POLR3A: variants seen among roughly 807,000 people sequenced by gnomAD.
POLR3A encodes the protein DNA-directed RNA polymerase III subunit RPC1.
A neutral mutation model predicts 152.8 loss-of-function variants in POLR3A; 112 were observed. The ratio of observed to expected loss-of-function variants is 0.73; its 90% CI spans 0.63 to 0.86. The LOEUF (loss-of-function observed/expected upper bound fraction) is 0.86, where lower values mean the gene tolerates loss of function less well. Ranked by LOEUF, POLR3A falls within the 40% of genes least tolerant of loss-of-function variation. The pLI is 0.00. For synonymous variants in POLR3A, 615 were observed against 652.1 expected (o/e 0.94, Z 0.87); for missense variants, 1,385 against 1,743.1 (o/e 0.79, Z 3.66).
chr10:78,023,528 C>G (rs1041185844), intron 5 of POLR3A, among the ~76,000 whole-genome samples: 1 of 151,796 alleles, frequency 6.6e-6, no homozygotes, highest in African/African-American at 2.4e-5. Flanking sequence ...CACCTGTAAT[C>G]CCAGTACTTT....
chr10:78,002,460 A>G, intron 16 of POLR3A, 152 bp from the exon 17 acceptor site: 1 of 694,522 alleles, frequency 1.4e-6, no homozygotes, highest in East Asian at 2.7e-5. Context: ...GAGGAGCAAA[A>G]TGCCCTGGCT....
chr10:78,010,612 G>A, intron 11 of POLR3A, 72 bp from the exon 12 acceptor site: 1 of 1,089,928 alleles, frequency 9.2e-7, no homozygotes, highest in Admixed American at 1.7e-5. Context: ...TGAATCACAA[G>A]GTTTTTGAAT....
At chr10:78,006,616 C>A in intron 15 of POLR3A, among the ~76,000 whole-genome samples, 3 of 150,502 alleles carry the variant, frequency 2.0e-5, no homozygotes, top group South Asian at 2.1e-4. Context: ...AACTGAAGTT[C>A]CAAAAAGAAA....
rs538820573 is a variant in POLR3A, at chr10:77,989,791, TA to T, written c.2901+1262del. ...GTTAAGGTCTTTGAGGACAAACAGA[TA>T]AATACGTAAACATGAGCGTGAAGAA... On this transcript the variant is annotated intron_variant, in intron 21 of 30. Coordinates refer to ENST00000372371, the MANE Select transcript of POLR3A (RefSeq NM_007055.4). Among the ~76,000 whole-genome samples the T allele has an allele frequency of 7.2e-5, 11 of 152,140 alleles. No homozygotes were observed. The South Asian group carries it at 2.3e-3, about 32-fold the overall frequency.
At chr10:78,020,214 C>T (rs1458180007) in intron 8 of POLR3A, 2 of 149,474 alleles carry the variant, frequency 1.3e-5, no homozygotes, top group Non-Finnish European at 2.9e-5. Flanking sequence ...GGGCACAGGG[C>T]CCTGTAATCT....
intron 30 of POLR3A, among the ~76,000 whole-genome samples, chr10:77,978,162 T>G (rs1256483372): frequency 3.3e-5 from 5 of 152,100 alleles, no homozygotes; most frequent in Non-Finnish European, 7.4e-5. Flanking sequence ...ACAGCCCTGA[T>G]GAGAAACACC....
intron 19 of POLR3A, among the ~76,000 whole-genome samples, chr10:77,997,858 C>T (rs1167822023): frequency 6.6e-6 from 1 of 150,742 alleles, no homozygotes; most frequent in African/African-American, 2.5e-5. Context: ...CAATCCTAAG[C>T]CAAAAGAACA....
At chr10:77,995,652 T>A (rs1252969209) in intron 19 of POLR3A, among the ~76,000 whole-genome samples, 1 of 151,972 alleles carries the variant, frequency 6.6e-6, no homozygotes, top group Non-Finnish European at 1.5e-5. Context: ...AGCACCCAGA[T>A]TCATAAAGCA....
intron 26 of POLR3A, 34 bp from the exon 27 acceptor site, chr10:77,982,851 C>G (rs1163401660): frequency 6.2e-7 from 1 of 1,606,290 alleles, no homozygotes; most frequent in Admixed American, 1.7e-5. Context: ...GTTACTGATT[C>G]CAGTGTTGTT....
rs781048970 is a variant in POLR3A, at chr10:78,004,709, G to T, written c.2247+7C>A. ...GTGGCGACCCTGAACCAAAGGGCCG[G>T]GCTCACCTCCAGGGTCTCCTCAGCA... On this transcript the variant is annotated splice_region_variant and intron_variant, in intron 16 of 30. Transcript: ENST00000372371. 12 of 1,611,130 alleles carry T rather than the reference G, an allele frequency of 7.4e-6. No homozygotes were observed. The East Asian group carries it at 2.5e-4, about 33-fold the overall frequency.
At chr10:77,980,013 A>G in intron 30 of POLR3A, 128 bp downstream of exon 30, 1 of 860,038 alleles carries the variant, frequency 1.2e-6, no homozygotes, top group Non-Finnish European at 2.0e-6. Flanking sequence ...ATTCGTGTCT[A>G]TTGACATTAT....
chr10:77,996,876 C>CA (rs1258268464), intron 19 of POLR3A, among the ~76,000 whole-genome samples: 263 of 152,248 alleles, frequency 1.7e-3, no homozygotes, highest in African/African-American at 5.9e-3. Flanking sequence ...GAATTTTAGA[C>CA]CAATATCCTT....
chr10:77,979,138 A>G (rs192054467), intron 30 of POLR3A, among the ~76,000 whole-genome samples: 5 of 152,238 alleles, frequency 3.3e-5, no homozygotes, highest in Admixed American at 3.3e-4. Context: ...GACTTATGTA[A>G]TATTTATTTC....
At chr10:77,983,847 T>C in intron 26 of POLR3A, 73 bp downstream of exon 26, 1 of 909,850 alleles carries the variant, frequency 1.1e-6, no homozygotes, top group Non-Finnish European at 1.8e-6. Context: ...GCTTAGCTCT[T>C]GCCCTAGTTT....
At chr10:78,025,501 C>T (rs1471423617) in intron 3 of POLR3A, 121 bp downstream of exon 3, 2 of 907,268 alleles carry the variant, frequency 2.2e-6, no homozygotes, top group African/African-American at 1.6e-5. Context: ...ATATTATGTA[C>T]TTAGTATAAA....
intron 21 of POLR3A, among the ~76,000 whole-genome samples, chr10:77,989,102 A>C (rs868776210): frequency 6.6e-6 from 1 of 152,228 alleles, no homozygotes; most frequent in East Asian, 1.9e-4. Context: ...GTTTAAAAAT[A>C]AAAAAAGAAA....
chr10:78,027,136 G>C (rs1333141458), intron 1 of POLR3A, among the ~76,000 whole-genome samples: 1 of 152,156 alleles, frequency 6.6e-6, no homozygotes, highest in African/African-American at 2.4e-5. Flanking sequence ...TACGTTGCAT[G>C]GTCAGAAAGC....
chr10:77,983,940 T>A lies in POLR3A; in HGVS notation c.3409A>T (p.Ile1137Phe). The part of the protein sequence containing the change: ...FILVKLSLER[I>F]RLLRLEVNAE... ...CTCACTTCCAGTCTCAGAAGCCTAA[T>A]CCGTTCCAGGGAGAGCTTGACGAGA... Residue 1137 changes from isoleucine to phenylalanine, a missense_variant, in exon 26 of 31, where the codon ATT becomes TTT. Transcript: ENST00000372371. 1 of 1,609,646 alleles carries A rather than the reference T, an allele frequency of 6.2e-7. No individual in the cohort carries two copies. The highest frequency in any genetic ancestry group is 8.5e-7 in the Non-Finnish European group (1 of 1,175,970).
At chr10:77,978,185 C>T (rs1319131709) in intron 30 of POLR3A, among the ~76,000 whole-genome samples, 2 of 152,162 alleles carry the variant, frequency 1.3e-5, no homozygotes, top group Non-Finnish European at 2.9e-5. Flanking sequence ...GAAGGCAGGG[C>T]ACCTATAGAG....
Sources: gnomAD v4.1 joint callset for allele counts (sites outside exome capture counted in the v4.1 genomes callset) on GRCh38, gnomAD v4.1.1 for gene constraint, MANE v1.5 for transcripts, NCBI Gene and HGNC (gene_info 2026-07-23, HGNC 2026-07-21) for gene names.